Variants in LTBP1 observed in about 807,000 individuals in gnomAD.
The protein encoded by LTBP1 is latent-transforming growth factor beta-binding protein 1.
A neutral mutation model predicts 207.6 loss-of-function variants in LTBP1; 129 were observed. The ratio of observed to expected loss-of-function variants is 0.62; its 90% CI spans 0.54 to 0.72. The LOEUF (loss-of-function observed/expected upper bound fraction) is 0.72, where lower values mean the gene tolerates loss of function less well. Ranked by LOEUF, LTBP1 falls within the 30% of genes least tolerant of loss-of-function variation. The pLI, the probability that LTBP1 is intolerant of heterozygous loss-of-function variation, is 0.00. For synonymous variants in LTBP1, 963 were observed against 833.7 expected, an observed-to-expected ratio of 1.16 and a Z score of -2.67; for missense variants, 2,281 against 2,217.2, an observed-to-expected ratio of 1.03 and a Z score of -0.58.
intron 2 of LTBP1, among the ~76,000 whole-genome samples, 184 bp downstream of exon 2, chr2:32,949,129 A>C (rs1225202561): frequency 6.6e-6 from 1 of 152,212 alleles, no homozygotes; most frequent in African/African-American, 2.4e-5. Context: ...TATCAATGCC[A>C]GCAGCAATAC....
intron 23 of LTBP1, among the ~76,000 whole-genome samples, chr2:33,312,360 G>T (rs1573775819): frequency 6.6e-6 from 1 of 152,256 alleles, no homozygotes; most frequent in Non-Finnish European, 1.5e-5. Flanking sequence ...GCGTGTTTAA[G>T]ATTTTCTTTC....
chr2:32,972,165 T>C (rs978193123), intron 2 of LTBP1, among the ~76,000 whole-genome samples: 6 of 151,606 alleles, frequency 4.0e-5, no homozygotes, highest in African/African-American at 1.5e-4. Flanking sequence ...TTATCATTTC[T>C]GATTGTATTC....
intron 4 of LTBP1, among the ~76,000 whole-genome samples, chr2:33,126,736 C>G (rs1378047536): frequency 6.6e-6 from 1 of 151,928 alleles, no homozygotes; most frequent in Non-Finnish European, 1.5e-5. Context: ...ATGATGAGAT[C>G]TATTGAGTTT....
Position 33,021,059 on chromosome 2 carries a change from C to A in LTBP1, c.716C>A (p.Ala239Asp), listed in dbSNP as rs767658883. 6.2e-6 allele frequency: 10 copies of A among 1,614,014 alleles called. No homozygotes were observed. The African/African-American group carries it at 1.1e-4, about 17-fold the overall frequency. The change falls in exon 3 of 34, where the codon GCT becomes GAT. Residue 239 changes from alanine (A) to aspartate (D), a missense_variant. Ala to Asp is a moderately radical substitution (Grantham distance 126). This residue lies in a region of LTBP1 where 555 missense variants were observed against 491.0 expected (regional missense o/e 1.13). Transcript: ENST00000404816. Reference sequence around the variant, plus strand: ...TTTGGAGGGCAGAGTCCTGGGGCTGCTTCCTCGTGGGGCCCTCCTGAGCAA... The same window carrying A: ...TTTGGAGGGCAGAGTCCTGGGGCTGATTCCTCGTGGGGCCCTCCTGAGCAA... ...PVFGGQSPGA[A>D]SSWGPPEQAA...
chr2:33,040,686 G>A (rs1457896500), intron 3 of LTBP1, among the ~76,000 whole-genome samples: 3 of 152,112 alleles, frequency 2.0e-5, no homozygotes, highest in Admixed American at 1.3e-4. Flanking sequence ...GTAATGTCAG[G>A]TATTTTGCAT....
At chr2:32,985,654 A>G (rs904646962) in intron 2 of LTBP1, among the ~76,000 whole-genome samples, 2 of 152,212 alleles carry the variant, frequency 1.3e-5, no homozygotes, top group South Asian at 2.1e-4. Flanking sequence ...AGGGTTAGAA[A>G]TACATGAGAG....
In LTBP1 at chr2:33,047,421, G is replaced by A. The variant is rs530772641; in HGVS notation, c.863+26215G>A. 1.7e-4 allele frequency among the ~76,000 whole-genome samples: 26 copies of A among 152,218 alleles called. 1 individual carries two copies. The East Asian group carries it at 4.0e-3, about 24-fold the overall frequency. On this transcript the variant is annotated intron_variant, in intron 3 of 33. Transcript: ENST00000404816. ...TTGTTCAGTTTCCATGTAGTTGTGC[G>A]GTTTTGAGTGAGTTTCTTAATCCTG...
chr2:33,339,492 C>T (rs1487482950), intron 24 of LTBP1, among the ~76,000 whole-genome samples: 3 of 152,128 alleles, frequency 2.0e-5, no homozygotes, highest in Non-Finnish European at 2.9e-5. Flanking sequence ...TTTGGTGACG[C>T]GATGCAGTTC....
chr2:32,973,452 T>C (rs1407588091), intron 2 of LTBP1, among the ~76,000 whole-genome samples: 8 of 152,206 alleles, frequency 5.3e-5, no homozygotes, highest in Non-Finnish European at 1.2e-4. Context: ...TTTTAATTTT[T>C]GTGGGTACAC....
At chr2:33,169,001 G>A (rs563149318) in intron 5 of LTBP1, among the ~76,000 whole-genome samples, 10 of 152,170 alleles carry the variant, frequency 6.6e-5, no homozygotes, top group Admixed American at 6.5e-4. Context: ...GCAGAGTTAG[G>A]GGGGAGCCAT....
chr2:32,955,069 C>A (rs1405140064), intron 2 of LTBP1, among the ~76,000 whole-genome samples: 8 of 152,170 alleles, frequency 5.3e-5, no homozygotes, highest in Non-Finnish European at 1.2e-4. Flanking sequence ...CAAATTGAAT[C>A]AAAATCTTTG....
chr2:33,142,975 A>G (rs75648571), intron 5 of LTBP1, among the ~76,000 whole-genome samples: 2,432 of 152,314 alleles, frequency 0.016, 26 homozygotes, highest in East Asian at 0.028. Flanking sequence ...ACTGCTTAGC[A>G]TAGCATGCAG....
intron 3 of LTBP1, among the ~76,000 whole-genome samples, chr2:33,074,003 G>C (rs976287815): frequency 2.6e-5 from 4 of 152,312 alleles, no homozygotes; most frequent in Middle Eastern, 3.4e-3. Flanking sequence ...ACAGGTATAA[G>C]TCATTTTGCC....
Position 32,947,797 on chromosome 2 carries a change from A to G in LTBP1, c.473A>G (p.His158Arg). Residue 158 changes from histidine (H) to arginine (R), a missense_variant, in exon 1 of 34, where the codon CAC becomes CGC. By Grantham distance (29) the His-to-Arg change is conservative. Around this residue, in one of 3 missense-constraint regions of LTBP1, gnomAD observed 555 missense variants for 491.0 expected, o/e 1.13. Transcript: ENST00000404816. ...QSGGGSRLQV[H>R]QKQQLQGVNV... ...GGCGGAGGCTCTAGGCTGCAGGTTC[A>G]CCAGAAGCAGCAGCTGCAGGGGTAA... The G allele has an allele frequency of 6.8e-7, 1 of 1,469,498 alleles. No individual in the cohort carries two copies. Among genetic ancestry groups the G allele is most frequent in the Middle Eastern group, 1.9e-4 (1 of 5,376 alleles). 91.0% of individuals were successfully genotyped at this position (1,469,498 alleles called of 1,614,324 possible).
chr2:32,970,558 C>G lies in LTBP1; in HGVS notation c.565+21613C>G, dbSNP rs972959121. On this transcript the variant is annotated intron_variant, in intron 2 of 33. Coordinates refer to ENST00000404816, the MANE Select transcript of LTBP1 (RefSeq NM_206943.4). ...TGTTTTTGTTGACTTTGTTGAAGATCAGATGGTGGTCGGTGTGTGGCTTTA... is the reference window on the plus strand; with the variant it reads ...TGTTTTTGTTGACTTTGTTGAAGATGAGATGGTGGTCGGTGTGTGGCTTTA... 9.2e-5 allele frequency among the ~76,000 whole-genome samples: 14 copies of G among 152,216 alleles called. No individual in the cohort carries two copies. In the East Asian group the frequency reaches 1.7e-3, roughly 19 times the overall value.
intron 10 of LTBP1, among the ~76,000 whole-genome samples, chr2:33,249,279 G>A (rs1227380228): frequency 6.6e-6 from 1 of 150,424 alleles, no homozygotes; most frequent in Admixed American, 6.7e-5. Context: ...GCTTGTGGGA[G>A]TTATTTATAT....
At chr2:33,312,876 C>T (rs1312015897) in intron 23 of LTBP1, among the ~76,000 whole-genome samples, 2 of 152,160 alleles carry the variant, frequency 1.3e-5, no homozygotes, top group Non-Finnish European at 2.9e-5. Context: ...TCTCAGGTAG[C>T]TATTAGGGCT....
rs995546131 is a variant in LTBP1 at position 33,134,582 on chromosome 2, C to T, written c.1034-211C>T. The T allele has an allele frequency of 1.3e-6, 2 of 1,537,318 alleles. No homozygotes were observed. The highest frequency in any genetic ancestry group is 2.7e-5 in the African/African-American group (2 of 72,822). On this transcript the variant is annotated intron_variant, in intron 4 of 33. Coordinates refer to ENST00000404816, the MANE Select transcript of LTBP1 (RefSeq NM_206943.4). The surrounding 1 kb of genome is among the most constrained non-coding windows in gnomAD (Gnocchi z 4.4). ...TCCCAGAGTTCTGTTTGCTAAGCTT[C>T]CTACTCCTGTTTCAGAGACACCACT...
chr2:33,265,146 C>T (rs951333176), intron 15 of LTBP1, among the ~76,000 whole-genome samples: 9 of 152,194 alleles, frequency 5.9e-5, no homozygotes, highest in Non-Finnish European at 1.3e-4. Flanking sequence ...CACAGTCTAA[C>T]AATTCAAAGG....
Sources: gnomAD v4.1 joint callset for allele counts (sites outside exome capture counted in the v4.1 genomes callset) on GRCh38, gnomAD v4.1.1 for gene constraint, gnomAD v4.1.1 regional missense constraint, Gnocchi (gnomAD v3.1) non-coding constraint, MANE v1.5 for transcripts, NCBI Gene and HGNC (gene_info 2026-07-23, HGNC 2026-07-21) for gene names.